The following AFM variants were observed in gnomAD, a reference collection of about 807,000 sequenced individuals.
AFM encodes afamin.
A neutral mutation model predicts 68.7 loss-of-function variants in AFM; 82 were observed. That is an observed-to-expected ratio of 1.19 (90% confidence interval 1.00 to 1.43). The LOEUF is 1.43. AFM is among the 40% of genes most tolerant of loss of function. The pLI, the probability that AFM is intolerant of heterozygous loss-of-function variation, is 0.00. For missense variants in AFM, 772 were observed against 701.8 expected (o/e 1.10, Z -1.13); for synonymous variants, 250 against 234.2 (o/e 1.07, Z -0.61).
At chr4:73,501,704 T>C (rs1372308246) in intron 12 of AFM, 83 bp from the exon 13 acceptor site, 3 of 1,457,618 alleles carry the variant, frequency 2.1e-6, no homozygotes, top group African/African-American at 2.8e-5. Flanking sequence ...ACTCAAGACG[T>C]GATTCTGTAA....
chr4:73,485,221 A>G (rs1310189925), intron 3 of AFM, among the ~76,000 whole-genome samples: 1 of 152,064 alleles, frequency 6.6e-6, no homozygotes, highest in African/African-American at 2.4e-5. Flanking sequence ...ACTACTAAAC[A>G]CTACTTCTAA....
At chr4:73,484,819 G>C (rs1401782668) in intron 3 of AFM, among the ~76,000 whole-genome samples, 2 of 152,142 alleles carry the variant, frequency 1.3e-5, no homozygotes, top group African/African-American at 4.8e-5. Flanking sequence ...TTGCAGGCGT[G>C]AGCCACTGTG....
At position 73,488,714 on chromosome 4, in the gene AFM, T is replaced by C. The variant is rs1458166452; in HGVS notation, c.798T>C (p.Tyr266=). Reference sequence around the variant, plus strand: ...TTGTAGAAGATGTTTCTTCCAACTATGATGGATGCTGTGAAGGGGATGTTG... The same window carrying C: ...TTGTAGAAGATGTTTCTTCCAACTACGATGGATGCTGTGAAGGGGATGTTG... ...ISLVEDVSSN[Y]DGCCEGDVVQ... is the part of the protein sequence containing the mutation. The change falls in exon 7 of 15, where the codon TAT becomes TAC. Residue 266 remains tyrosine (Y), a synonymous_variant. Transcript: ENST00000226355. The C allele has an allele frequency of 1.6e-5, 26 of 1,613,258 alleles. No homozygotes were observed. In the East Asian group the frequency reaches 5.1e-4, roughly 32 times the overall value.
At chr4:73,500,424 T>C (rs1260803142) in intron 12 of AFM, among the ~76,000 whole-genome samples, 197 bp downstream of exon 12, 1 of 152,206 alleles carries the variant, frequency 6.6e-6, no homozygotes, top group Admixed American at 6.5e-5. Flanking sequence ...GCTTGTCTTT[T>C]CATTTGAAAG....
chr4:73,495,217 G>A, intron 8 of AFM, 83 bp from the exon 9 acceptor site: 1 of 1,322,668 alleles, frequency 7.6e-7, no homozygotes. Context: ...GTCAGTATTA[G>A]ATCTGACTGG....
rs547854961 is a variant in AFM at position 73,484,961 on chromosome 4, A to G, written c.270+571A>G. 3.3e-5 allele frequency among the ~76,000 whole-genome samples: 5 copies of G among 152,356 alleles called. No homozygotes were observed. In the South Asian group the frequency reaches 1.0e-3, roughly 32 times the overall value. On this transcript the variant is annotated intron_variant, in intron 3 of 14. Coordinates refer to ENST00000226355, the MANE Select transcript of AFM (RefSeq NM_001133.2). ...TTCATTTTGCTTAATTTTGGTATTT[A>G]GAACAAGGTACTTTCCTTGGAAAAG...
rs866253965 is a variant in AFM at position 73,497,684 on chromosome 4, C to G, written c.1224C>G (p.Ser408Arg). The G allele has an allele frequency of 6.2e-7, 1 of 1,609,286 alleles. No homozygotes were observed. Among genetic ancestry groups the G allele is most frequent in the African/African-American group, 1.3e-5 (1 of 74,770 alleles). ...EDKFNETTEK[S>R]LKMVQQECKH... ...AATTCAATGAGACAACTGAGAAAAG[C>G]CTCAAGATGGTACAACAAGAATGTA... Residue 408 changes from serine to arginine, a missense_variant, in exon 10 of 15, where the codon AGC (serine) becomes AGG (arginine). Ser to Arg is a moderately radical substitution (Grantham distance 110, BLOSUM62 -1). Coordinates refer to ENST00000226355, the MANE Select transcript of AFM (RefSeq NM_001133.2).
chr4:73,496,503 C>T lies in AFM; in HGVS notation c.1191+1071C>T, dbSNP rs111805851. On this transcript the variant is annotated intron_variant, in intron 9 of 14. Transcript: ENST00000226355. The stretch of plus-strand genomic sequence containing the variant: ...TATGAACTTTAAAAAACATTTAACA[C>T]AAATTGTTGAATTACTGTCAAGAAA... 7.4e-3 allele frequency among the ~76,000 whole-genome samples: 1,124 copies of T among 152,116 alleles called. 16 individuals are homozygous for T. The highest frequency in any genetic ancestry group is 0.026 in the African/African-American group (1,067 of 41,508).
intron 10 of AFM, 92 bp from the exon 11 acceptor site, chr4:73,499,022 G>A (rs1358380826): frequency 3.7e-6 from 5 of 1,359,972 alleles, no homozygotes; most frequent in Admixed American, 2.3e-5. Context: ...ATTGGTTGTC[G>A]CTAGCCTTGA....
chr4:73,486,633 G>C (rs1222497962), intron 4 of AFM, among the ~76,000 whole-genome samples: 7 of 152,200 alleles, frequency 4.6e-5, no homozygotes, highest in African/African-American at 1.7e-4. Context: ...CCAGCTGGTA[G>C]CATGTGGATG....
chr4:73,484,464 T>G (rs1720817722), intron 3 of AFM, 74 bp downstream of exon 3: 1 of 518,732 alleles, frequency 1.9e-6, no homozygotes, highest in African/African-American at 2.1e-5. Context: ...CTTTCTTTCT[T>G]TCTTTCTTTC....
intron 7 of AFM, 91 bp downstream of exon 7, chr4:73,488,850 C>A (rs2149343996): frequency 7.3e-6 from 9 of 1,226,798 alleles, no homozygotes; most frequent in South Asian, 7.2e-5. Context: ...GGTTACTTTG[C>A]CACAATGAAA....
rs773574718 is a variant in AFM, at chr4:73,499,279, T to C, written c.1422+33T>C. 100 of 1,435,838 alleles carry C rather than the reference T, an allele frequency of 7.0e-5. 1 individual carries two copies. In the African/African-American group the frequency reaches 1.4e-3, roughly 20 times the overall value. 88.9% of individuals were successfully genotyped at this position (1,435,838 alleles called of 1,614,324 possible). ...TGGCCTGTGTACCAGACTACTCTTT[T>C]TTTTTTTTTTTAAAAAAAAGAATAT... is the stretch of plus-strand genomic sequence containing the variant. On this transcript the variant is annotated intron_variant, in intron 11 of 14. Transcript: ENST00000226355.
chr4:73,500,207 G>C lies in AFM; in HGVS notation c.1626G>C (p.Glu542Asp), dbSNP rs752916466. The C allele has an allele frequency of 2.5e-6, 4 of 1,612,628 alleles. No individual in the cohort carries two copies. In the African/African-American group the frequency reaches 5.3e-5, roughly 22 times the overall value. Residue 542 changes from glutamate to aspartate, a missense_variant, in exon 12 of 15, where the codon GAG (glutamate) becomes GAC (aspartate). By Grantham distance (45) the Glu-to-Asp change is conservative. Transcript: ENST00000226355. ...HADMCQSQNEELQRKTDRFLV... is the reference protein window; with the variant it reads ...HADMCQSQNEDLQRKTDRFLV... ...ACATGTGTCAATCTCAGAATGAGGA[G>C]CTTCAGAGGAAGACAGACAGGTACA...
chr4:73,487,541 C>T (rs1242574242), intron 5 of AFM, among the ~76,000 whole-genome samples, 183 bp from the exon 6 acceptor site: 3 of 152,166 alleles, frequency 2.0e-5, no homozygotes, highest in East Asian at 1.9e-4. Flanking sequence ...AAGACTGGTC[C>T]TACCTTTGTG....
In AFM at chr4:73,501,902, G is replaced by A. The variant is rs2149347481; in HGVS notation, c.1762G>A (p.Val588Ile). The change falls in exon 13 of 15, where the codon GTC becomes ATC. Residue 588 changes from valine to isoleucine, a missense_variant. By Grantham distance (29) the Val-to-Ile change is conservative. Transcript: ENST00000226355. ...GTGCTGCAAAGCAGAGAGTCCTGAA[G>A]TCTGCTTTAATGAAGAGGTAGTTTT... ...DKCCKAESPE[V>I]CFNEESPKIG... 2.5e-6 allele frequency: 4 copies of A among 1,612,416 alleles called. No homozygotes were observed. The highest frequency in any genetic ancestry group is 3.4e-6 in the Non-Finnish European group (4 of 1,179,328).
At chr4:73,499,622 A>C (rs1249184206) in intron 11 of AFM, among the ~76,000 whole-genome samples, 1 of 152,116 alleles carries the variant, frequency 6.6e-6, no homozygotes, top group African/African-American at 2.4e-5. Flanking sequence ...TCAGGCATTG[A>C]ATACATCTCT....
chr4:73,499,021 C>A, intron 10 of AFM, 93 bp from the exon 11 acceptor site: 2 of 1,352,876 alleles, frequency 1.5e-6, no homozygotes, highest in Non-Finnish European at 2.0e-6. Context: ...TATTGGTTGT[C>A]GCTAGCCTTG....
At chr4:73,498,203 G>A (rs922007892) in intron 10 of AFM, among the ~76,000 whole-genome samples, 3 of 151,940 alleles carry the variant, frequency 2.0e-5, no homozygotes, top group Non-Finnish European at 4.4e-5. Flanking sequence ...GCTCTTGTGA[G>A]CATTTGTGAA....
Sources: gnomAD v4.1 joint callset for allele counts (sites outside exome capture counted in the v4.1 genomes callset) on GRCh38, gnomAD v4.1.1 for gene constraint, MANE v1.5 for transcripts, NCBI Gene and HGNC (gene_info 2026-07-23, HGNC 2026-07-21) for gene names.